The following F13A1 variants were observed in gnomAD, a reference collection of about 807,000 sequenced individuals.
F13A1 encodes FSF, A subunit.
F13A1 carries 47 observed loss-of-function variants against 80.1 expected under a neutral mutation model. The observed-to-expected ratio is 0.59, with a 90% CI of 0.46 to 0.75. The LOEUF is 0.75. F13A1 is among the 30% of genes least tolerant of loss of function. The pLI is 0.00. For synonymous variants in F13A1, 349 were observed against 344.9 expected, an observed-to-expected ratio of 1.01 and a Z score of -0.13; for missense variants, 817 against 930.4, an observed-to-expected ratio of 0.88 and a Z score of 1.59.
chr6:6,236,474 G>T (rs1173712694), intron 6 of F13A1, among the ~76,000 whole-genome samples: 1 of 152,038 alleles, frequency 6.6e-6, no homozygotes, highest in Non-Finnish European at 1.5e-5. Flanking sequence ...ATTGGAATAT[G>T]AGCAGATTCT....
Position 6,302,639 on chromosome 6 carries a change from C to T in F13A1, c.319+2712G>A, listed in dbSNP as rs80231828. 3.0e-3 allele frequency among the ~76,000 whole-genome samples: 456 copies of T among 152,228 alleles called. 7 individuals carry two copies. Among genetic ancestry groups the T allele is most frequent in the African/African-American group, 0.011 (441 of 41,538 alleles). ...GTGAGTGGTGAGTGAATGCGAAGGC[C>T]TAGGTCATTACTGCATGCTACTGTA... On this transcript the variant is annotated intron_variant, in intron 3 of 14. Transcript: ENST00000264870.
intron 9 of F13A1, among the ~76,000 whole-genome samples, chr6:6,196,894 A>C (rs983401499): frequency 7.2e-5 from 11 of 152,362 alleles, no homozygotes; most frequent in Middle Eastern, 3.4e-3. Flanking sequence ...TGCATACCAC[A>C]AAGGGCTGAA....
chr6:6,208,591 C>G (rs990451209), intron 8 of F13A1, among the ~76,000 whole-genome samples: 1 of 152,154 alleles, frequency 6.6e-6, no homozygotes, highest in Non-Finnish European at 1.5e-5. Context: ...GATATCTACA[C>G]TTAGACACAT....
intron 7 of F13A1, among the ~76,000 whole-genome samples, chr6:6,224,091 G>A (rs1757238493): frequency 1.3e-5 from 2 of 152,158 alleles, no homozygotes; most frequent in South Asian, 4.1e-4. Flanking sequence ...ATTGGATGTT[G>A]GGTGGATTAA....
chr6:6,170,508 T>C (rs189688692), intron 12 of F13A1, among the ~76,000 whole-genome samples: 3 of 152,296 alleles, frequency 2.0e-5, no homozygotes, highest in Non-Finnish European at 4.4e-5. Flanking sequence ...GAGGAATAGG[T>C]TTTCGCTCTA....
At chr6:6,161,422 C>A (rs1307710771) in intron 13 of F13A1, among the ~76,000 whole-genome samples, 1 of 152,022 alleles carries the variant, frequency 6.6e-6, no homozygotes, top group Admixed American at 6.6e-5. Context: ...AGATGTCAAT[C>A]CCCCCAGTGC....
chr6:6,308,478 G>A (rs1175630537), intron 2 of F13A1, among the ~76,000 whole-genome samples: 2 of 147,904 alleles, frequency 1.4e-5, no homozygotes, highest in Non-Finnish European at 3.0e-5. Context: ...AAAAAAAAGA[G>A]ACCATTACAT....
chr6:6,200,682 G>A (rs1263934095), intron 8 of F13A1, among the ~76,000 whole-genome samples: 1 of 152,184 alleles, frequency 6.6e-6, no homozygotes, highest in Non-Finnish European at 1.5e-5. Context: ...CATGTTCATG[G>A]AGGAATGGAG....
In F13A1 at chr6:6,305,416, A is replaced by C. The variant is rs1414788255; in HGVS notation, c.254T>G (p.Val85Gly). ...ATATGGACGACTGAAGTCAATCTGC[A>C]CATAGAAAGACTGCCCTCTGCGGAC... ...LIVRRGQSFYVQIDFSRPYDP... is the reference protein window; with the variant it reads ...LIVRRGQSFYGQIDFSRPYDP... The change falls in exon 3 of 15, where the codon GTG becomes GGG. Residue 85 changes from valine to glycine, a missense_variant. Physicochemically the swap from Val to Gly is moderately radical, Grantham distance 109. Transcript: ENST00000264870. 2 of 1,614,242 alleles carry C rather than the reference A, an allele frequency of 1.2e-6. No homozygotes were observed. The highest frequency in any genetic ancestry group is 3.3e-5 in the Admixed American group (2 of 60,030).
In F13A1 at chr6:6,266,765, T is replaced by C. The variant is rs142064728; in HGVS notation, c.364A>G (p.Ile122Val). The change falls in exon 4 of 15, where the codon ATA becomes GTA. Residue 122 changes from isoleucine to valine, a missense_variant. Coordinates refer to ENST00000264870, the MANE Select transcript of F13A1 (RefSeq NM_000129.4). Reference protein sequence around the residue: ...ENKGTYIPVPIVSELQSGKWG... With the variant: ...ENKGTYIPVPVVSELQSGKWG... ...TTTCCACTTTGTAACTCTGAGACTATAGGCACTGGGATGTAGGTTCCCTTG... is the reference window on the plus strand; with the variant it reads ...TTTCCACTTTGTAACTCTGAGACTACAGGCACTGGGATGTAGGTTCCCTTG... 11 of 1,614,100 alleles carry C rather than the reference T, an allele frequency of 6.8e-6. No homozygotes were observed. Among genetic ancestry groups the C allele is most frequent in the Non-Finnish European group, 8.5e-6 (10 of 1,180,026 alleles).
intron 11 of F13A1, among the ~76,000 whole-genome samples, chr6:6,176,069 C>T (rs1760879014): frequency 6.6e-6 from 1 of 152,130 alleles, no homozygotes; most frequent in Non-Finnish European, 1.5e-5. Context: ...TCCTAAATAC[C>T]TTTGGGTTTA....
At chr6:6,227,249 A>G (rs914921510) in intron 6 of F13A1, among the ~76,000 whole-genome samples, 2 of 152,214 alleles carry the variant, frequency 1.3e-5, no homozygotes, top group East Asian at 3.9e-4. Context: ...GAAGATCACT[A>G]TTCAATTTGG....
intron 3 of F13A1, among the ~76,000 whole-genome samples, chr6:6,267,021 A>G (rs1412105296): frequency 6.6e-6 from 1 of 152,240 alleles, no homozygotes; most frequent in Non-Finnish European, 1.5e-5. Context: ...TTTGTTTTCT[A>G]TAAAGCATGT....
At chr6:6,297,799 G>A (rs1758354477) in intron 3 of F13A1, among the ~76,000 whole-genome samples, 1 of 149,672 alleles carries the variant, frequency 6.7e-6, no homozygotes, top group Non-Finnish European at 1.5e-5. Context: ...GCTTTTGAAT[G>A]TGTTTGCTCT....
At chr6:6,249,184 C>A (rs929865562) in intron 5 of F13A1, among the ~76,000 whole-genome samples, 3 of 152,244 alleles carry the variant, frequency 2.0e-5, no homozygotes, top group Admixed American at 2.0e-4. Context: ...ACCTTGTGTG[C>A]TATCCACCCA....
intron 8 of F13A1, among the ~76,000 whole-genome samples, chr6:6,207,076 G>A (rs1197581430): frequency 6.6e-6 from 1 of 151,984 alleles, no homozygotes; most frequent in African/African-American, 2.4e-5. Flanking sequence ...AATCTGAGGG[G>A]CATTTATTCA....
At chr6:6,227,967 G>A (rs1757299845) in intron 6 of F13A1, among the ~76,000 whole-genome samples, 1 of 152,208 alleles carries the variant, frequency 6.6e-6, no homozygotes. Context: ...AAAGAGGTAA[G>A]TTTTTAGTGA....
chr6:6,291,537 C>T (rs1182522934), intron 3 of F13A1, among the ~76,000 whole-genome samples: 1 of 152,142 alleles, frequency 6.6e-6, no homozygotes, highest in East Asian at 1.9e-4. Context: ...TACCCGAGTT[C>T]AACCAGTGTC....
In F13A1 at chr6:6,145,515, G is replaced by A; in HGVS notation, c.*104C>T. 1 of 1,461,300 alleles carries A rather than the reference G, an allele frequency of 6.8e-7. No homozygotes were observed. Among genetic ancestry groups the A allele is most frequent in the African/African-American group, 1.4e-5 (1 of 72,118 alleles). The allele number at this position is 1,461,300 out of a possible 1,614,324, so 90.5% of individuals were successfully genotyped here. ...TGGAGCCCTCTGCAGTCCTGTCTGG[G>A]TCTTCACACCTAAGTCAAAGCAAGA... On this transcript the variant is annotated 3_prime_UTR_variant, in exon 15 of 15. Transcript: ENST00000264870.
Sources: allele counts gnomAD v4.1 joint callset (sites outside exome capture counted in the v4.1 genomes callset), GRCh38; gene constraint gnomAD v4.1.1; transcripts MANE v1.5; gene names NCBI Gene and HGNC (gene_info 2026-07-23, HGNC 2026-07-21).